Variants in PHACTR1 observed in about 807,000 individuals in gnomAD.
PHACTR1 encodes RPEL repeat containing 1.
In PHACTR1, 16 loss-of-function variants were observed where a neutral mutation model predicts 69.2. The ratio of observed to expected loss-of-function variants is 0.23; its 90% CI spans 0.16 to 0.35. The LOEUF (loss-of-function observed/expected upper bound fraction) is 0.35, where lower values mean the gene tolerates loss of function less well. Ranked by LOEUF, PHACTR1 falls within the 10% of genes least tolerant of loss-of-function variation. The pLI, the probability that PHACTR1 is intolerant of heterozygous loss-of-function variation, is 1.00. For synonymous variants in PHACTR1, 312 were observed against 284.5 expected, an observed-to-expected ratio of 1.10 and a Z score of -0.97; for missense variants, 510 against 734.7, an observed-to-expected ratio of 0.69 and a Z score of 3.54.
At chr6:13,099,663 A>G (rs1814830530) in intron 5 of PHACTR1, among the ~76,000 whole-genome samples, 1 of 152,226 alleles carries the variant, frequency 6.6e-6, no homozygotes, top group African/African-American at 2.4e-5. Context: ...TTCTACATGA[A>G]CATGAAAGAT....
At chr6:13,011,518 G>C (rs974301879) in intron 4 of PHACTR1, among the ~76,000 whole-genome samples, 1 of 152,192 alleles carries the variant, frequency 6.6e-6, no homozygotes, top group African/African-American at 2.4e-5. Flanking sequence ...AGGCTAAGCT[G>C]GTGGCTGTGT....
chr6:12,749,855 CCCCCGCCCCTCCCGGGCGTCCT>C, intron 4 of PHACTR1, 65 bp downstream of exon 4: 2 of 1,401,146 alleles, frequency 1.4e-6, no homozygotes, highest in Non-Finnish European at 1.9e-6. Flanking sequence ...GGCTGTTGAG[CCCCCGCCCCTCCCGGGCGTCCT>C]CCCCGCCGCC....
chr6:13,091,199 A>ACGTT (rs377211169), intron 5 of PHACTR1, among the ~76,000 whole-genome samples: 1,913 of 152,052 alleles, frequency 0.013, 41 homozygotes, highest in African/African-American at 0.043. Flanking sequence ...GGTTTTCACC[A>ACGTT]CGTTGTCCAG....
At chr6:12,762,778 G>A (rs1466925115) in intron 4 of PHACTR1, among the ~76,000 whole-genome samples, 1 of 152,144 alleles carries the variant, frequency 6.6e-6, no homozygotes, top group Non-Finnish European at 1.5e-5. Flanking sequence ...GTTTTTAAAA[G>A]TTGATATATA....
Position 13,190,198 on chromosome 6 carries a change from A to ATTTTTTTTTTTTTTTTTTTTTTT in PHACTR1, c.664+7528_664+7529insTTTTTTTTTTTTTTTTTTTTTTT, listed in dbSNP as rs1215055032. Among the ~76,000 whole-genome samples, 54 of 87,246 alleles carry ATTTTTTTTTTTTTTTTTTTTTTT rather than the reference A, an allele frequency of 6.2e-4. 4 individuals are homozygous for ATTTTTTTTTTTTTTTTTTTTTTT. Among genetic ancestry groups the ATTTTTTTTTTTTTTTTTTTTTTT allele is most frequent in the Middle Eastern group, 0.011 (1 of 94 alleles). 57.2% of individuals were successfully genotyped at this position (87,246 alleles called of 152,430 possible). A position where few individuals can be genotyped will look rare whatever the true frequency, so the allele number is the denominator to read the frequency against. ...GCCACTATGCTCAGCTAATTTTTGT[A>ATTTTTTTTTTTTTTTTTTTTTTT]TTTTTTTTTTTTTTTTAGTAGAGGT... is the stretch of plus-strand genomic sequence containing the variant. On this transcript the variant is annotated intron_variant, in intron 7 of 14. Coordinates refer to ENST00000332995, the MANE Select transcript of PHACTR1 (RefSeq NM_030948.6).
intron 4 of PHACTR1, among the ~76,000 whole-genome samples, chr6:12,807,300 T>C (rs777254745): frequency 6.6e-6 from 1 of 152,242 alleles, no homozygotes; most frequent in Non-Finnish European, 1.5e-5. Flanking sequence ...AAATGGATTT[T>C]TTGTTTATGT....
At chr6:12,924,286 G>A (rs1224963917) in intron 4 of PHACTR1, among the ~76,000 whole-genome samples, 12 of 152,096 alleles carry the variant, frequency 7.9e-5, no homozygotes. Context: ...GCCAACATGT[G>A]TTAATTTGTA....
chr6:13,184,842 G>A (rs2083127916), intron 7 of PHACTR1: 3 of 1,366,550 alleles, frequency 2.2e-6, no homozygotes, highest in African/African-American at 1.5e-5. Flanking sequence ...GAGTCCTCCT[G>A]TCCCAAGATC....
At chr6:13,119,873 G>A (rs1165865510) in intron 5 of PHACTR1, among the ~76,000 whole-genome samples, 1 of 152,164 alleles carries the variant, frequency 6.6e-6, no homozygotes, top group Admixed American at 6.5e-5. Flanking sequence ...AACTTGTAGA[G>A]ACAAAGTCTG....
chr6:12,811,307 T>C lies in PHACTR1; in HGVS notation c.250+61517T>C, dbSNP rs904412226. 3.3e-5 allele frequency among the ~76,000 whole-genome samples: 5 copies of C among 152,342 alleles called. No individual in the cohort carries two copies. The South Asian group carries it at 1.0e-3, about 32-fold the overall frequency. ...AAATGCAATTGAAATTGGGAAGATG[T>C]AGCACTGGGTTTATTTAAAACCATT... On this transcript the variant is annotated intron_variant, in intron 4 of 14. Transcript: ENST00000332995.
intron 4 of PHACTR1, among the ~76,000 whole-genome samples, chr6:12,975,063 G>A (rs569839384): frequency 5.3e-5 from 8 of 152,284 alleles, no homozygotes; most frequent in Admixed American, 2.6e-4. Flanking sequence ...AATTAGAAAA[G>A]TAAGTGCTAC....
chr6:13,284,444 G>A (rs1403190445), intron 13 of PHACTR1, among the ~76,000 whole-genome samples: 1 of 146,182 alleles, frequency 6.8e-6, no homozygotes, highest in African/African-American at 2.6e-5. Flanking sequence ...TTGAACCCAG[G>A]AGGTGGAGGT....
At chr6:13,190,368 CATATT>C (rs1763407685) in intron 7 of PHACTR1, among the ~76,000 whole-genome samples, 1 of 151,830 alleles carries the variant, frequency 6.6e-6, no homozygotes, top group African/African-American at 2.4e-5. Flanking sequence ...TTAATCTTAT[CATATT>C]AGGGTTCCAT....
intron 6 of PHACTR1, among the ~76,000 whole-genome samples, chr6:13,177,383 A>C (rs9395516): frequency 0.24 from 33,978 of 139,550 alleles, 4,142 homozygotes; most frequent in East Asian, 0.39. Flanking sequence ...CTCTCTCTCT[A>C]TATATATATA....
intron 4 of PHACTR1, among the ~76,000 whole-genome samples, chr6:12,860,564 A>C (rs1047804012): frequency 6.6e-6 from 1 of 152,202 alleles, no homozygotes; most frequent in East Asian, 1.9e-4. Context: ...TCCTTGAAGA[A>C]TCACCACACT....
At chr6:12,900,822 G>T (rs1237291225) in intron 4 of PHACTR1, among the ~76,000 whole-genome samples, 1 of 152,158 alleles carries the variant, frequency 6.6e-6, no homozygotes, top group African/African-American at 2.4e-5. Flanking sequence ...ACTCTTGTGT[G>T]TGTGTTTTCG....
At chr6:12,985,140 A>G (rs923486977) in intron 4 of PHACTR1, among the ~76,000 whole-genome samples, 1 of 152,332 alleles carries the variant, frequency 6.6e-6, no homozygotes, top group South Asian at 2.1e-4. Context: ...GGCATCATCA[A>G]CATTCTAAGT....
At chr6:13,264,532 C>T (rs1030885383) in intron 10 of PHACTR1, among the ~76,000 whole-genome samples, 2 of 151,902 alleles carry the variant, frequency 1.3e-5, no homozygotes, top group African/African-American at 4.8e-5. Context: ...CCAGCCTGGC[C>T]AACATGGTGA....
intron 4 of PHACTR1, among the ~76,000 whole-genome samples, chr6:12,809,093 G>T (rs1047410595): frequency 2.0e-5 from 3 of 151,894 alleles, no homozygotes; most frequent in Non-Finnish European, 4.4e-5. Flanking sequence ...ACCCCATGTT[G>T]CCCAGGCTGG....
Sources: allele counts gnomAD v4.1 joint callset (sites outside exome capture counted in the v4.1 genomes callset), GRCh38; gene constraint gnomAD v4.1.1; transcripts MANE v1.5; gene names NCBI Gene and HGNC (gene_info 2026-07-23, HGNC 2026-07-21).